The following CSMD1 variants were observed in gnomAD, a reference collection of about 807,000 sequenced individuals.
CSMD1 encodes the protein CUB and Sushi multiple domains 1.
Under a neutral mutation model 417.5 loss-of-function variants are expected in CSMD1, and 213 were observed. The observed-to-expected ratio is 0.51, with a 90% confidence interval of 0.46 to 0.57. The LOEUF is 0.57. CSMD1 is among the 20% of genes least tolerant of loss of function. The pLI, the probability that CSMD1 is intolerant of heterozygous loss-of-function variation, is 0.00. For synonymous variants in CSMD1, 2,862 were observed against 1,736.8 expected, an observed-to-expected ratio of 1.65 and a Z score of -16.11; for missense variants, 6,923 against 4,529.7, an observed-to-expected ratio of 1.53 and a Z score of -15.17.
intron 1 of CSMD1, among the ~76,000 whole-genome samples, chr8:4,714,176 T>C (rs1808494371): frequency 6.6e-6 from 1 of 152,072 alleles, no homozygotes; most frequent in Admixed American, 6.6e-5. Flanking sequence ...CCTTGTGTTC[T>C]GCACACCAAC....
rs555750899 is a variant in CSMD1 at position 4,176,447 on chromosome 8, T to A, written c.416-144348A>T. Among the ~76,000 whole-genome samples, 3 of 152,272 alleles carry A rather than the reference T, an allele frequency of 2.0e-5. No individual in the cohort carries two copies. In the East Asian group the frequency reaches 5.8e-4, roughly 29 times the overall value. On this transcript the variant is annotated intron_variant, in intron 3 of 69. Coordinates refer to ENST00000635120, the MANE Select transcript of CSMD1 (RefSeq NM_033225.6). ...TTTTACCTTGGAAGCTTTCCTTTCC[T>A]TTTTGATTATTTTCTCATCCTGGCA...
intron 26 of CSMD1, among the ~76,000 whole-genome samples, chr8:3,252,881 T>G (rs1349060690): frequency 1.3e-5 from 2 of 152,220 alleles, no homozygotes; most frequent in Non-Finnish European, 2.9e-5. Flanking sequence ...TGATGGTAGT[T>G]TGTATTTCTG....
chr8:3,554,204 A>G (rs1799041052), intron 10 of CSMD1, among the ~76,000 whole-genome samples: 1 of 152,252 alleles, frequency 6.6e-6, no homozygotes, highest in South Asian at 2.1e-4. Flanking sequence ...CATTTAAGGC[A>G]AAAAAGATTG....
intron 25 of CSMD1, 109 bp downstream of exon 25, chr8:3,307,586 T>C: frequency 7.9e-7 from 1 of 1,265,590 alleles, no homozygotes; most frequent in East Asian, 2.4e-5. Flanking sequence ...CTTTTCTTCT[T>C]TAGTTCAGAA....
At chr8:4,099,036 T>C (rs1366869068) in intron 3 of CSMD1, among the ~76,000 whole-genome samples, 1 of 152,220 alleles carries the variant, frequency 6.6e-6, no homozygotes, top group Non-Finnish European at 1.5e-5. Flanking sequence ...ATAACAAATG[T>C]GGATGCATGT....
chr8:3,491,476 A>G (rs1479892338), intron 11 of CSMD1, among the ~76,000 whole-genome samples: 1 of 152,210 alleles, frequency 6.6e-6, no homozygotes, highest in African/African-American at 2.4e-5. Context: ...TGTTATTCTC[A>G]TCATTATTAT....
chr8:4,071,012 T>G (rs979333112), intron 3 of CSMD1, among the ~76,000 whole-genome samples: 24 of 152,220 alleles, frequency 1.6e-4, no homozygotes, highest in African/African-American at 5.5e-4. Context: ...TTTCTGTGGC[T>G]GCTTTCAAGC....
chr8:4,800,395 G>A (rs544928464), intron 1 of CSMD1, among the ~76,000 whole-genome samples: 27 of 147,214 alleles, frequency 1.8e-4, no homozygotes, highest in African/African-American at 6.6e-4. Context: ...CAGAGATCAC[G>A]CCACTGTACT....
chr8:4,713,133 G>C lies in CSMD1; in HGVS notation c.86-75575C>G, dbSNP rs1564181. On this transcript the variant is annotated intron_variant, in intron 1 of 69. Transcript: ENST00000635120. ...ATTTGAGTTAAGAAAATTGCCACTA[G>C]GACCTCTATTAAAATGCAAATGTGT... Among the ~76,000 whole-genome samples the C allele has an allele frequency of 1.1e-4, 16 of 152,220 alleles. No homozygotes were observed. The East Asian group carries it at 2.9e-3, about 28-fold the overall frequency.
chr8:4,046,255 T>G (rs995172375), intron 3 of CSMD1, among the ~76,000 whole-genome samples: 2 of 152,188 alleles, frequency 1.3e-5, no homozygotes, highest in African/African-American at 2.4e-5. Context: ...TATCTTTTAT[T>G]TCTAATTATT....
intron 3 of CSMD1, among the ~76,000 whole-genome samples, chr8:4,336,678 C>G (rs1428995497): frequency 2.0e-5 from 3 of 152,082 alleles, no homozygotes; most frequent in African/African-American, 4.8e-5. Context: ...GTGACATAGT[C>G]CTTCGAAGAC....
intron 6 of CSMD1, among the ~76,000 whole-genome samples, chr8:3,727,167 C>T (rs1445901950): frequency 6.6e-6 from 1 of 152,114 alleles, no homozygotes; most frequent in Non-Finnish European, 1.5e-5. Context: ...ATTTTAAAAC[C>T]ATACTTAGAG....
intron 8 of CSMD1, among the ~76,000 whole-genome samples, chr8:3,590,458 A>C (rs1215804614): frequency 6.6e-6 from 1 of 152,138 alleles, no homozygotes; most frequent in African/African-American, 2.4e-5. Context: ...GTTTTCAAAG[A>C]CTAGTTCAGT....
At chr8:3,867,843 A>G (rs1805210261) in intron 5 of CSMD1, among the ~76,000 whole-genome samples, 1 of 152,092 alleles carries the variant, frequency 6.6e-6, no homozygotes, top group African/African-American at 2.4e-5. Context: ...CTCCATTTCC[A>G]GGATTGAAGA....
intron 1 of CSMD1, among the ~76,000 whole-genome samples, chr8:4,826,148 G>C (rs1413014591): frequency 6.6e-6 from 1 of 152,024 alleles, no homozygotes; most frequent in African/African-American, 2.4e-5. Context: ...ATATCCAACA[G>C]AATTCAAATC....
At chr8:3,638,942 A>G (rs1343343657) in intron 7 of CSMD1, among the ~76,000 whole-genome samples, 1 of 152,236 alleles carries the variant, frequency 6.6e-6, no homozygotes, top group Non-Finnish European at 1.5e-5. Context: ...GTCTCTCAGC[A>G]GTATGGGAAT....
At chr8:3,979,624 A>G (rs1813702618) in intron 5 of CSMD1, among the ~76,000 whole-genome samples, 1 of 152,174 alleles carries the variant, frequency 6.6e-6, no homozygotes, top group Non-Finnish European at 1.5e-5. Flanking sequence ...AAAAAGAGGA[A>G]GAGATTCCAG....
chr8:3,823,036 G>T (rs1476913201), intron 5 of CSMD1, among the ~76,000 whole-genome samples: 1 of 152,112 alleles, frequency 6.6e-6, no homozygotes, highest in Admixed American at 6.5e-5. Flanking sequence ...TTCGGCATCA[G>T]TAGTTTATGA....
rs139334284 is a variant in CSMD1, at chr8:3,179,152, A to G, written c.5725+1958T>C. Among the ~76,000 whole-genome samples the G allele has an allele frequency of 0.01, 1,539 of 151,278 alleles. 58 individuals are homozygous for G. In the East Asian group the frequency reaches 0.11, roughly 11 times the overall value. ...AGTAGATACGGGGTTTCAACGTGTT[A>G]GCCAGGACTGTCTCGATCTCCTGAC... On this transcript the variant is annotated intron_variant, in intron 37 of 69. Transcript: ENST00000635120.
Sources: allele counts gnomAD v4.1 joint callset (sites outside exome capture counted in the v4.1 genomes callset), GRCh38; gene constraint gnomAD v4.1.1; transcripts MANE v1.5; gene names NCBI Gene and HGNC (gene_info 2026-07-23, HGNC 2026-07-21).